Variants in SZT2 observed in about 807,000 individuals in gnomAD.
SZT2 encodes the protein KICSTOR complex protein SZT2.
Under a neutral mutation model 404.2 loss-of-function variants are expected in SZT2, and 216 were observed. That is an observed-to-expected ratio of 0.53 (90% confidence interval 0.48 to 0.60). SZT2 has a LOEUF of 0.60. Among genes scored for constraint, SZT2 ranks in the 20% least tolerant of loss-of-function variants. The probability of loss-of-function intolerance (pLI) is 0.00; values close to 1 mark genes in which losing one functional copy is unlikely to be tolerated. For missense variants in SZT2, 3,857 were observed against 4,459.2 expected, an observed-to-expected ratio of 0.86 and a Z score of 3.85; for synonymous variants, 1,693 against 1,749.9, an observed-to-expected ratio of 0.97 and a Z score of 0.81.
chr1:43,427,046 T>C lies in SZT2; in HGVS notation c.3310-10T>C, dbSNP rs1653240085. 1 of 1,613,946 alleles carries C rather than the reference T, an allele frequency of 6.2e-7. No homozygotes were observed. On this transcript the variant is annotated splice_polypyrimidine_tract_variant and intron_variant, in intron 23 of 71. Coordinates refer to ENST00000634258, the MANE Select transcript of SZT2 (RefSeq NM_001365999.1). ...TATAGATTGCTCTAATTTCTGTTTT[T>C]CTCTTACAGAGTGTAGGTCTTCCTG... is the stretch of plus-strand genomic sequence containing the variant.
Position 43,430,132 on chromosome 1 carries a change from G to A in SZT2, c.4401+29G>A, listed in dbSNP as rs185254565. ...AGTGGCTCTCTTCCTTACCTCTCTC[G>A]TGCCCTCAACCCAGAGGCCCACCCA... On this transcript the variant is annotated intron_variant, in intron 30 of 71. Coordinates refer to ENST00000634258, the MANE Select transcript of SZT2 (RefSeq NM_001365999.1). 1.6e-4 allele frequency: 251 copies of A among 1,612,550 alleles called. 1 individual carries two copies. In the East Asian group the frequency reaches 3.2e-3, roughly 21 times the overall value.
At position 43,403,648 on chromosome 1, in the gene SZT2, G is replaced by A; in HGVS notation, c.201G>A (p.Gly67=). 6.2e-7 allele frequency: 1 copy of A among 1,614,168 alleles called. No homozygotes were observed. The highest frequency in any genetic ancestry group is 8.5e-7 in the Non-Finnish European group (1 of 1,180,042). The change falls in exon 3 of 72, where the codon GGG becomes GGA. Residue 67 remains glycine (G), a synonymous_variant. Transcript: ENST00000634258. The part of the protein sequence containing the change: ...ELEVLSVLPP[G]WQPDEPVVPR... ...AAGTCCTCAGTGTCCTGCCCCCTGG[G>A]TGGCAGCCAGATGAACCAGTGGTCC...
chr1:43,428,635 A>T (rs1653481327), intron 28 of SZT2, 149 bp downstream of exon 28: 3 of 1,118,566 alleles, frequency 2.7e-6, no homozygotes, highest in Admixed American at 5.5e-5. Flanking sequence ...ACGGACTCCC[A>T]TGCAGCCTTC....
chr1:43,450,411 C>G lies in SZT2; in HGVS notation c.10230C>G (p.Val3410=), dbSNP rs2153937428. The change falls in exon 72 of 72, where the codon GTC becomes GTG. Residue 3410 remains valine (V), a synonymous_variant. Coordinates refer to ENST00000634258, the MANE Select transcript of SZT2 (RefSeq NM_001365999.1). The surrounding 1 kb of genome is among the most constrained non-coding windows in gnomAD (Gnocchi z 4.3). ...QDSESPPAQL[V]STYHHLESVI... ...GCGAGAGCCCCCCTGCCCAACTGGT[C>G]TCCACCTACCACCACCTGGAGTCTG... is the stretch of plus-strand genomic sequence containing the variant. 1.9e-6 allele frequency: 3 copies of G among 1,614,122 alleles called. No homozygotes were observed. Among genetic ancestry groups the G allele is most frequent in the East Asian group, 2.2e-5 (1 of 44,868 alleles).
In SZT2 at chr1:43,425,326, C is replaced by A; in HGVS notation, c.2645+119C>A. 6.7e-7 allele frequency: 1 copy of A among 1,502,198 alleles called. No homozygotes were observed. Among genetic ancestry groups the A allele is most frequent in the South Asian group, 1.2e-5 (1 of 81,494 alleles). 93.1% of individuals were successfully genotyped at this position (1,502,198 alleles called of 1,614,324 possible). On this transcript the variant is annotated intron_variant, in intron 18 of 71. Transcript: ENST00000634258. This position sits in a 1 kb window ranked among gnomAD's most constrained non-coding sequence, Gnocchi z 4.3. ...TGATCCCAAAGTCAGGGAGGGGGTG[C>A]GGTGTTTAGATGCTTCATCAGGCAG...
intron 52 of SZT2, 67 bp downstream of exon 52, chr1:43,440,653 C>G: frequency 1.4e-6 from 2 of 1,472,470 alleles, no homozygotes; most frequent in Non-Finnish European, 1.8e-6. Context: ...CCCACACTCC[C>G]TCCTGCTTCC....
At position 43,434,405 on chromosome 1, in the gene SZT2, G is replaced by C. The variant is rs773506031; in HGVS notation, c.5824G>C (p.Gly1942Arg). ...AHARSLIRED[G>R]GPGTECRHLQ... ...TCCCAGGAGCCTGATTCGGGAGGAT[G>C]GGGGGCCGGGCACTGAGTGTCGCCA... The change falls in exon 41 of 72, where the codon GGG (glycine) becomes CGG (arginine). Residue 1942 changes from glycine to arginine, a missense_variant. Coordinates refer to ENST00000634258, the MANE Select transcript of SZT2 (RefSeq NM_001365999.1). The C allele has an allele frequency of 1.3e-6, 2 of 1,595,780 alleles. No individual in the cohort carries two copies. Among genetic ancestry groups the C allele is most frequent in the Non-Finnish European group, 1.7e-6 (2 of 1,172,746 alleles).
chr1:43,393,834 A>G (rs889289623), intron 1 of SZT2, among the ~76,000 whole-genome samples: 1 of 152,204 alleles, frequency 6.6e-6, no homozygotes, highest in Admixed American at 6.5e-5. Flanking sequence ...ACCTCAATAA[A>G]TATTCCAAAG....
Position 43,439,682 on chromosome 1 carries a change from C to T in SZT2, c.6955C>T (p.Pro2319Ser). The T allele has an allele frequency of 6.2e-7, 1 of 1,612,954 alleles. No individual in the cohort carries two copies. Among genetic ancestry groups the T allele is most frequent in the Non-Finnish European group, 8.5e-7 (1 of 1,179,452 alleles). ...ACTGGCGTTGTGGCCCCCCTCCTCT[C>T]CGGGGCCCCCAGACCCACTGCGAGA... ...LSLALWPPSS[P>S]GPPDPLREEE... Residue 2319 changes from proline to serine, a missense_variant, in exon 50 of 72, where the codon CCG (proline) becomes TCG (serine). Transcript: ENST00000634258. This position sits in a 1 kb window ranked among gnomAD's most constrained non-coding sequence, Gnocchi z 4.2.
In SZT2 at chr1:43,451,096, G is replaced by T; in HGVS notation, c.*616G>T. The T allele has an allele frequency of 1.1e-6, 1 of 887,152 alleles. No homozygotes were observed. The highest frequency in any genetic ancestry group is 1.9e-6 in the Non-Finnish European group (1 of 530,238). 55.0% of individuals were successfully genotyped at this position (887,152 alleles called of 1,614,324 possible). A position where few individuals can be genotyped will look rare whatever the true frequency, so the allele number is the denominator to read the frequency against. On this transcript the variant is annotated 3_prime_UTR_variant, in exon 72 of 72. Coordinates refer to ENST00000634258, the MANE Select transcript of SZT2 (RefSeq NM_001365999.1). ...GCTTCTCAATGGGAGGGAAGCAGCA[G>T]AGAAACTGAAGTGTTAGACACTATG...
chr1:43,423,564 G>A (rs1469721578), intron 15 of SZT2, among the ~76,000 whole-genome samples: 2 of 147,794 alleles, frequency 1.4e-5, no homozygotes, highest in Admixed American at 6.7e-5. Flanking sequence ...GAGTGGTACA[G>A]AGGTGTGGAA....
In SZT2 at chr1:43,420,823, C is replaced by A; in HGVS notation, c.1336C>A (p.Pro446Thr). The change falls in exon 10 of 72, where the codon CCC becomes ACC. Residue 446 changes from proline to threonine, a missense_variant. Physicochemically the swap from Pro to Thr is conservative, Grantham distance 38. Transcript: ENST00000634258. The surrounding 1 kb of genome is among the most constrained non-coding windows in gnomAD (Gnocchi z 5.1). ...GCGCATTGAGTATGTGGCTATGGCACCCTGGCCCCTGGAGCCTGAGGGCCC... is the reference window on the plus strand; with the variant it reads ...GCGCATTGAGTATGTGGCTATGGCAACCTGGCCCCTGGAGCCTGAGGGCCC... ...NMRIEYVAMA[P>T]WPLEPEGPRV... The A allele has an allele frequency of 6.3e-7, 1 of 1,598,206 alleles. No homozygotes were observed. Among genetic ancestry groups the A allele is most frequent in the South Asian group, 1.1e-5 (1 of 91,080 alleles).
intron 4 of SZT2, 139 bp downstream of exon 4, chr1:43,404,689 C>A: frequency 1.3e-6 from 1 of 799,238 alleles, no homozygotes; most frequent in Non-Finnish European, 2.0e-6. Flanking sequence ...TCTAGTCATC[C>A]TCATGAGTCT....
At chr1:43,397,779 C>G (rs1474726309) in intron 1 of SZT2, among the ~76,000 whole-genome samples, 1 of 152,028 alleles carries the variant, frequency 6.6e-6, no homozygotes, top group Non-Finnish European at 1.5e-5. Context: ...TCCACCCACC[C>G]CGGCCTCCCA....
chr1:43,440,449 A>C lies in SZT2; in HGVS notation c.7211-4A>C. 6.3e-7 allele frequency: 1 copy of C among 1,584,358 alleles called. No homozygotes were observed. The highest frequency in any genetic ancestry group is 1.2e-5 in the South Asian group (1 of 86,716). ...TGGGTGTCTGTAATGTCTGATGTCC[A>C]CAGGAAGTCTCAGGAACGGATCGTT... is the stretch of plus-strand genomic sequence containing the variant. On this transcript the variant is annotated splice_polypyrimidine_tract_variant and splice_region_variant and intron_variant, in intron 51 of 71. Transcript: ENST00000634258.
chr1:43,438,093 C>T (rs1238542658), intron 46 of SZT2, 191 bp downstream of exon 46: 1 of 589,124 alleles, frequency 1.7e-6, no homozygotes, highest in Non-Finnish European at 3.0e-6. Context: ...TTAGAACCTC[C>T]TATTACTCTG....
rs751964792 is a variant in SZT2 at position 43,430,477 on chromosome 1, A to G, written c.4481-19A>G. ...CCACTGCCAGCCTCTCTCATTGACC[A>G]TGTGACATGCACTACTAGGAGACAC... On this transcript the variant is annotated intron_variant, in intron 31 of 71. Transcript: ENST00000634258. 1 of 1,611,304 alleles carries G rather than the reference A, an allele frequency of 6.2e-7. No homozygotes were observed. The highest frequency in any genetic ancestry group is 8.5e-7 in the Non-Finnish European group (1 of 1,177,850).
At chr1:43,421,811 C>T (rs1652396348) in intron 11 of SZT2, among the ~76,000 whole-genome samples, 1 of 152,220 alleles carries the variant, frequency 6.6e-6, no homozygotes, top group African/African-American at 2.4e-5. Flanking sequence ...AGGGGCTTTT[C>T]TCCCAAGTCG....
Position 43,450,582 on chromosome 1 carries a change from A to C in SZT2, c.*102A>C. The C allele has an allele frequency of 6.6e-7, 1 of 1,518,388 alleles. No individual in the cohort carries two copies. Among genetic ancestry groups the C allele is most frequent in the Admixed American group, 1.8e-5 (1 of 56,144 alleles). The allele number at this position is 1,518,388 out of a possible 1,614,324, so 94.1% of individuals were successfully genotyped here. The stretch of plus-strand genomic sequence containing the variant: ...GACCAGCCCTTCTGGGCCCCAGGGC[A>C]AGCCAGACACTGAGTGACACCAAAG... On this transcript the variant is annotated 3_prime_UTR_variant, in exon 72 of 72. Transcript: ENST00000634258. This position sits in a 1 kb window ranked among gnomAD's most constrained non-coding sequence, Gnocchi z 4.3.
Sources: allele counts gnomAD v4.1 joint callset (sites outside exome capture counted in the v4.1 genomes callset), GRCh38; gene constraint gnomAD v4.1.1; non-coding constraint Gnocchi (gnomAD v3.1); transcripts MANE v1.5; gene names NCBI Gene and HGNC (gene_info 2026-07-23, HGNC 2026-07-21).